BCHE: variants seen among roughly 807,000 people sequenced by gnomAD.
BCHE encodes the protein cholinesterase.
In BCHE, 48 loss-of-function variants were observed where a neutral mutation model predicts 51.3. The observed-to-expected ratio is 0.94, with a 90% CI of 0.74 to 1.19. The LOEUF (loss-of-function observed/expected upper bound fraction) is 1.19, where lower values mean the gene tolerates loss of function less well. BCHE is among the 50% of genes most tolerant of loss of function. The pLI, the probability that BCHE is intolerant of heterozygous loss-of-function variation, is 0.00. For missense variants in BCHE, 847 were observed against 708.2 expected, an observed-to-expected ratio of 1.20 and a Z score of -2.23; for synonymous variants, 251 against 238.0, an observed-to-expected ratio of 1.05 and a Z score of -0.50.
intron 2 of BCHE, among the ~76,000 whole-genome samples, chr3:165,793,903 G>A (rs1017025154): frequency 1.1e-4 from 17 of 152,042 alleles, no homozygotes; most frequent in African/African-American, 3.9e-4. Context: ...AAAAAATAGC[G>A]GGGCGTGGTG....
chr3:165,803,097 C>A (rs1415547931), intron 2 of BCHE, among the ~76,000 whole-genome samples: 3 of 152,104 alleles, frequency 2.0e-5, no homozygotes, highest in Non-Finnish European at 4.4e-5. Context: ...GAAATAAGAA[C>A]TGAGCTCTGG....
intron 2 of BCHE, among the ~76,000 whole-genome samples, chr3:165,820,722 C>T (rs549962689): frequency 1.4e-4 from 21 of 152,046 alleles, no homozygotes; most frequent in African/African-American, 5.1e-4. Context: ...GACTAGATGG[C>T]CAGATGACAG....
At chr3:165,803,702 AT>A (rs1433454863) in intron 2 of BCHE, among the ~76,000 whole-genome samples, 1 of 152,122 alleles carries the variant, frequency 6.6e-6, no homozygotes, top group African/African-American at 2.4e-5. Flanking sequence ...TTGACCTTGA[AT>A]TTTTTGGCAT....
chr3:165,773,659 G>T (rs547516568), intron 3 of BCHE, among the ~76,000 whole-genome samples, 153 bp from the exon 4 acceptor site: 64 of 151,844 alleles, frequency 4.2e-4, no homozygotes, highest in Non-Finnish European at 7.8e-4. Flanking sequence ...AGCTCGCTTT[G>T]CCTGAAAAGA....
At chr3:165,822,250 G>A (rs1714552849) in intron 2 of BCHE, among the ~76,000 whole-genome samples, 1 of 151,826 alleles carries the variant, frequency 6.6e-6, no homozygotes, top group Non-Finnish European at 1.5e-5. Context: ...AAGTATAGAA[G>A]CAAGTAAATT....
chr3:165,800,975 G>A (rs557778921), intron 2 of BCHE, among the ~76,000 whole-genome samples: 11 of 152,096 alleles, frequency 7.2e-5, no homozygotes, highest in Non-Finnish European at 1.6e-4. Flanking sequence ...TAATAATGTG[G>A]TAATTTGGAA....
At chr3:165,818,447 C>A (rs557911273) in intron 2 of BCHE, among the ~76,000 whole-genome samples, 34 of 152,086 alleles carry the variant, frequency 2.2e-4, no homozygotes, top group Admixed American at 1.5e-3. Flanking sequence ...TAAATCAAGA[C>A]ATGCAGGTGG....
chr3:165,802,631 T>G (rs568394221), intron 2 of BCHE, among the ~76,000 whole-genome samples: 32 of 151,968 alleles, frequency 2.1e-4, no homozygotes, highest in Admixed American at 7.2e-4. Context: ...AAAATTTGTT[T>G]TTTTTTTTTT....
At chr3:165,817,413 C>T (rs1032509306) in intron 2 of BCHE, among the ~76,000 whole-genome samples, 2 of 152,052 alleles carry the variant, frequency 1.3e-5, no homozygotes, top group African/African-American at 4.8e-5. Flanking sequence ...AACTAAATGT[C>T]TCACTCAGGA....
chr3:165,819,709 G>T (rs1274482742), intron 2 of BCHE, among the ~76,000 whole-genome samples: 1 of 145,488 alleles, frequency 6.9e-6, no homozygotes, highest in Non-Finnish European at 1.5e-5. Flanking sequence ...AATATTTTAG[G>T]TGTGTTTCTG....
At chr3:165,810,908 G>T (rs1356545729) in intron 2 of BCHE, among the ~76,000 whole-genome samples, 1 of 152,110 alleles carries the variant, frequency 6.6e-6, no homozygotes, top group African/African-American at 2.4e-5. Flanking sequence ...AAGAACAGAG[G>T]TTTGGCTCAA....
intron 2 of BCHE, among the ~76,000 whole-genome samples, chr3:165,803,118 G>A (rs903043373): frequency 6.6e-6 from 1 of 151,638 alleles, no homozygotes; most frequent in African/African-American, 2.4e-5. Flanking sequence ...GAAGATTTAG[G>A]AGGTTGGGAA....
chr3:165,776,135 C>A (rs1712463006), intron 3 of BCHE, among the ~76,000 whole-genome samples: 1 of 151,812 alleles, frequency 6.6e-6, no homozygotes. Context: ...ACTTGATTAG[C>A]AAATTTTAAC....
intron 2 of BCHE, among the ~76,000 whole-genome samples, chr3:165,818,227 A>C (rs1241274491): frequency 1.3e-5 from 2 of 152,110 alleles, no homozygotes; most frequent in East Asian, 3.9e-4. Flanking sequence ...CATATAATAT[A>C]AACTATAAAA....
intron 2 of BCHE, among the ~76,000 whole-genome samples, chr3:165,797,820 T>G (rs1372139655): frequency 6.6e-6 from 1 of 152,200 alleles, no homozygotes; most frequent in Non-Finnish European, 1.5e-5. Flanking sequence ...AACTTAGTTT[T>G]GTAGTAGCAT....
intron 2 of BCHE, among the ~76,000 whole-genome samples, chr3:165,811,957 T>G (rs1714115890): frequency 6.6e-6 from 1 of 152,022 alleles, no homozygotes; most frequent in Non-Finnish European, 1.5e-5. Flanking sequence ...CTTTTGTTCC[T>G]TTCTGTCCGT....
At chr3:165,777,812 T>A (rs902665944) in intron 3 of BCHE, 1 of 452,190 alleles carries the variant, frequency 2.2e-6, no homozygotes, top group African/African-American at 2.0e-5. Context: ...AATGTGAAGA[T>A]GACAAGTATG....
At chr3:165,810,155 G>C (rs1714039463) in intron 2 of BCHE, among the ~76,000 whole-genome samples, 1 of 152,082 alleles carries the variant, frequency 6.6e-6, no homozygotes, top group Non-Finnish European at 1.5e-5. Context: ...TTTCAGATAG[G>C]CTATCTTTTG....
chr3:165,818,617 A>G (rs562762742), intron 2 of BCHE, among the ~76,000 whole-genome samples: 1 of 152,258 alleles, frequency 6.6e-6, no homozygotes, highest in South Asian at 2.1e-4. Flanking sequence ...TCTATCTGGA[A>G]TATTTAGACT....
Sources: gnomAD v4.1 joint callset for allele counts (sites outside exome capture counted in the v4.1 genomes callset) on GRCh38, gnomAD v4.1.1 for gene constraint, MANE v1.5 for transcripts, NCBI Gene and HGNC (gene_info 2026-07-23, HGNC 2026-07-21) for gene names.